PRKCE: variants seen among roughly 807,000 people sequenced by gnomAD.
PRKCE encodes the protein protein kinase C epsilon type.
PRKCE carries 16 observed loss-of-function variants against 85.4 expected under a neutral mutation model. That is an observed-to-expected ratio of 0.19 (90% confidence interval 0.13 to 0.28). PRKCE has a LOEUF of 0.28. Ranked by LOEUF, PRKCE falls within the 10% of genes least tolerant of loss-of-function variation. The pLI is 1.00. For synonymous variants in PRKCE, 388 were observed against 371.5 expected, an observed-to-expected ratio of 1.04 and a Z score of -0.51; for missense variants, 573 against 975.2, an observed-to-expected ratio of 0.59 and a Z score of 5.49.
At chr2:46,087,017 AG>A (rs1669710930) in intron 11 of PRKCE, among the ~76,000 whole-genome samples, 1 of 152,190 alleles carries the variant, frequency 6.6e-6, no homozygotes, top group Non-Finnish European at 1.5e-5. Context: ...CTCTTCTGTG[AG>A]GTCAGGAATT....
intron 10 of PRKCE, among the ~76,000 whole-genome samples, chr2:46,080,189 C>T (rs922513376): frequency 6.6e-6 from 1 of 152,166 alleles, no homozygotes; most frequent in Admixed American, 6.5e-5. Context: ...CGTAATTAAG[C>T]AGTTCTCAGA....
chr2:45,692,665 T>A (rs528752284), intron 1 of PRKCE, among the ~76,000 whole-genome samples: 1 of 151,978 alleles, frequency 6.6e-6, no homozygotes, highest in African/African-American at 2.4e-5. Flanking sequence ...ATGGAATCAG[T>A]GCTACAAGGG....
intron 10 of PRKCE, among the ~76,000 whole-genome samples, chr2:46,025,316 C>T (rs1485295433): frequency 6.6e-6 from 1 of 152,174 alleles, no homozygotes; most frequent in Non-Finnish European, 1.5e-5. Context: ...CACCCCCAGC[C>T]AGGGACGAAG....
intron 2 of PRKCE, among the ~76,000 whole-genome samples, chr2:45,937,737 A>C (rs1170929349): frequency 6.6e-6 from 1 of 152,100 alleles, no homozygotes; most frequent in Non-Finnish European, 1.5e-5. Flanking sequence ...AAAGAAAGAA[A>C]ACTTGTAGGT....
At chr2:45,764,790 C>G (rs1484695481) in intron 1 of PRKCE, among the ~76,000 whole-genome samples, 2 of 152,164 alleles carry the variant, frequency 1.3e-5, no homozygotes, top group Non-Finnish European at 2.9e-5. Flanking sequence ...GCCATTCATT[C>G]TGCTGCAAAT....
intron 10 of PRKCE, among the ~76,000 whole-genome samples, chr2:46,020,620 G>C (rs1706569081): frequency 6.6e-6 from 1 of 152,192 alleles, no homozygotes; most frequent in Admixed American, 6.5e-5. Context: ...AGTGCCTGCT[G>C]ATGTGTAAAA....
chr2:45,723,246 T>G (rs1432357394), intron 1 of PRKCE, among the ~76,000 whole-genome samples: 1 of 152,232 alleles, frequency 6.6e-6, no homozygotes, highest in Non-Finnish European at 1.5e-5. Flanking sequence ...CTAGAGATTC[T>G]TGTAGAAAAT....
intron 11 of PRKCE, among the ~76,000 whole-genome samples, chr2:46,134,183 G>A (rs72808770): frequency 0.12 from 18,596 of 152,240 alleles, 1,519 homozygotes; most frequent in Middle Eastern, 0.22. Flanking sequence ...TCACTTTTCT[G>A]CTCTTATTCC....
intron 2 of PRKCE, among the ~76,000 whole-genome samples, chr2:45,912,421 G>A (rs1031852768): frequency 2.6e-5 from 4 of 152,168 alleles, no homozygotes; most frequent in African/African-American, 7.2e-5. Flanking sequence ...CCATCATCCC[G>A]GGCCTGCTTA....
intron 6 of PRKCE, among the ~76,000 whole-genome samples, chr2:45,989,826 C>G (rs941894720): frequency 1.3e-5 from 2 of 152,124 alleles, no homozygotes; most frequent in Non-Finnish European, 2.9e-5. Context: ...AATACATTCT[C>G]ACTGTTCTTA....
intron 2 of PRKCE, among the ~76,000 whole-genome samples, chr2:45,945,852 G>A (rs1430663577): frequency 1.3e-5 from 2 of 152,226 alleles, no homozygotes; most frequent in African/African-American, 4.8e-5. Flanking sequence ...GGAATGTCCT[G>A]TACTGATGGG....
intron 9 of PRKCE, among the ~76,000 whole-genome samples, chr2:46,008,321 A>G (rs1179074418): frequency 2.0e-5 from 3 of 152,204 alleles, no homozygotes; most frequent in Non-Finnish European, 2.9e-5. Context: ...TCAATAAAGC[A>G]CTAAAGGTGA....
chr2:46,017,088 G>GT (rs1263786381), intron 10 of PRKCE, among the ~76,000 whole-genome samples: 1 of 150,060 alleles, frequency 6.7e-6, no homozygotes, highest in East Asian at 1.9e-4. Context: ...CATCTTAACC[G>GT]TTTTTAAGTG....
intron 2 of PRKCE, among the ~76,000 whole-genome samples, chr2:45,960,648 G>C (rs1274998768): frequency 6.6e-6 from 1 of 152,202 alleles, no homozygotes; most frequent in South Asian, 2.1e-4. Context: ...TGTGCAGCCA[G>C]GTTCCTAACA....
chr2:46,146,549 T>C (rs1676086708), intron 12 of PRKCE, among the ~76,000 whole-genome samples: 1 of 152,180 alleles, frequency 6.6e-6, no homozygotes, highest in Non-Finnish European at 1.5e-5. Flanking sequence ...GGTGGATGAA[T>C]TGAGTTGTAA....
At chr2:46,032,076 A>G (rs1707561088) in intron 10 of PRKCE, among the ~76,000 whole-genome samples, 1 of 152,212 alleles carries the variant, frequency 6.6e-6, no homozygotes, top group Admixed American at 6.5e-5. Flanking sequence ...TACTTCCCTT[A>G]GAAGACTGCC....
At chr2:46,081,975 C>A (rs1199000073) in intron 10 of PRKCE, among the ~76,000 whole-genome samples, 2 of 152,090 alleles carry the variant, frequency 1.3e-5, no homozygotes, top group Non-Finnish European at 2.9e-5. Flanking sequence ...ATTTGCCTTA[C>A]TCCCAGCTAC....
intron 10 of PRKCE, among the ~76,000 whole-genome samples, chr2:46,047,140 T>C (rs750907461): frequency 6.6e-6 from 1 of 152,204 alleles, no homozygotes; most frequent in Non-Finnish European, 1.5e-5. Context: ...TCCTGGCCAT[T>C]TTTATCCCTA....
intron 1 of PRKCE, among the ~76,000 whole-genome samples, chr2:45,731,053 C>T (rs1421987966): frequency 6.6e-6 from 1 of 152,060 alleles, no homozygotes; most frequent in African/African-American, 2.4e-5. Context: ...ATAGTGGGAG[C>T]CTGGGTGTTC....
Sources: allele counts gnomAD v4.1 joint callset (sites outside exome capture counted in the v4.1 genomes callset), GRCh38; gene constraint gnomAD v4.1.1; transcripts MANE v1.5; gene names NCBI Gene and HGNC (gene_info 2026-07-23, HGNC 2026-07-21).